Variants in GRM7 observed in about 807,000 individuals in gnomAD.
The protein encoded by GRM7 is metabotropic glutamate receptor 7.
In GRM7, 35 loss-of-function variants were observed where a neutral mutation model predicts 84.5. That is an observed-to-expected ratio of 0.41 (90% CI 0.32 to 0.55). The LOEUF is 0.55. Among genes scored for constraint, GRM7 ranks in the 20% least tolerant of loss-of-function variants. GRM7 has a pLI of 0.19. For missense variants in GRM7, 1,003 were observed against 1,194.6 expected (o/e 0.84, Z 2.36); for synonymous variants, 487 against 455.1 (o/e 1.07, Z -0.89).
At chr3:7,011,028 G>A (rs1695351292) in intron 1 of GRM7, among the ~76,000 whole-genome samples, 1 of 152,160 alleles carries the variant, frequency 6.6e-6, no homozygotes, top group Admixed American at 6.6e-5. Flanking sequence ...CAAGACACTA[G>A]AGTCAGAATA....
chr3:7,507,112 G>C (rs865915720), intron 7 of GRM7, among the ~76,000 whole-genome samples: 4 of 152,154 alleles, frequency 2.6e-5, no homozygotes, highest in Non-Finnish European at 5.9e-5. Flanking sequence ...TTGGATAAAT[G>C]CTTTTCAGAT....
chr3:7,043,112 A>G (rs1448250296), intron 1 of GRM7, among the ~76,000 whole-genome samples: 1 of 152,134 alleles, frequency 6.6e-6, no homozygotes, highest in African/African-American at 2.4e-5. Context: ...GCTAACGGGA[A>G]CTAGTTCCAG....
chr3:7,264,219 C>A (rs1698549215), intron 2 of GRM7, among the ~76,000 whole-genome samples: 1 of 152,132 alleles, frequency 6.6e-6, no homozygotes, highest in Non-Finnish European at 1.5e-5. Context: ...GCAAGACCGC[C>A]CTGCAGAATT....
intron 4 of GRM7, among the ~76,000 whole-genome samples, chr3:7,361,651 G>C (rs1453894454): frequency 1.3e-5 from 2 of 152,042 alleles, no homozygotes; most frequent in African/African-American, 4.8e-5. Flanking sequence ...GGATTCTTTG[G>C]TTGAAAGCAA....
chr3:7,083,019 G>T (rs1438571018), intron 1 of GRM7, among the ~76,000 whole-genome samples: 2 of 152,168 alleles, frequency 1.3e-5, no homozygotes, highest in Non-Finnish European at 1.5e-5. Context: ...GACAACAAAC[G>T]ATTTAGAATA....
intron 7 of GRM7, among the ~76,000 whole-genome samples, chr3:7,536,388 G>A (rs1048907441): frequency 1.3e-5 from 2 of 152,124 alleles, no homozygotes; most frequent in Non-Finnish European, 2.9e-5. Flanking sequence ...AAAAACTGGG[G>A]TATTTAATCC....
intron 7 of GRM7, among the ~76,000 whole-genome samples, chr3:7,543,792 AGG>A (rs1271258277): frequency 6.6e-6 from 1 of 152,232 alleles, no homozygotes; most frequent in Admixed American, 6.5e-5. Flanking sequence ...GCTTGCCTCA[AGG>A]GACAGAAAAC....
chr3:7,271,562 T>TAAAAAA (rs71063298), intron 2 of GRM7, among the ~76,000 whole-genome samples: 19 of 88,804 alleles, frequency 2.1e-4, no homozygotes, highest in African/African-American at 5.3e-4. Flanking sequence ...CCGCCTCAAA[T>TAAAAAA]AAAAAAAAAA....
At chr3:7,162,119 G>A (rs1024436797) in intron 2 of GRM7, among the ~76,000 whole-genome samples, 3 of 152,182 alleles carry the variant, frequency 2.0e-5, no homozygotes, top group Admixed American at 1.3e-4. Context: ...TTTTAGACTT[G>A]TGAGGCTTGA....
At chr3:7,088,777 A>G (rs1698555428) in intron 1 of GRM7, among the ~76,000 whole-genome samples, 1 of 149,782 alleles carries the variant, frequency 6.7e-6, no homozygotes, top group Non-Finnish European at 1.5e-5. Flanking sequence ...TCTTGACCCA[A>G]AGATTTAAGG....
At position 7,276,249 on chromosome 3, in the gene GRM7, G is replaced by GTGTATATA. The variant is rs1336783487; in HGVS notation, c.737-22434_737-22433insGTATATAT. On this transcript the variant is annotated intron_variant, in intron 2 of 9. Transcript: ENST00000357716. The stretch of plus-strand genomic sequence containing the variant: ...TGTGTGTGTGTGTGTGTGTGTGTGT[G>GTGTATATA]TATATATAATTGTCCTCTCAATGTA... Among the ~76,000 whole-genome samples the GTGTATATA allele has an allele frequency of 7.0e-5, 10 of 143,654 alleles. No individual in the cohort carries two copies. The South Asian group carries it at 2.0e-3, about 29-fold the overall frequency. The allele number at this position is 143,654 out of a possible 152,430, so 94.2% of individuals were successfully genotyped here.
Position 6,943,269 on chromosome 3 carries a change from G to A in GRM7, c.519+81362G>A, listed in dbSNP as rs184904480. Among the ~76,000 whole-genome samples, 1,020 of 151,550 alleles carry A rather than the reference G, an allele frequency of 6.7e-3. 4 individuals carry two copies. Among genetic ancestry groups the A allele is most frequent in the Non-Finnish European group, 0.012 (779 of 67,718 alleles). On this transcript the variant is annotated intron_variant, in intron 1 of 9. Coordinates refer to ENST00000357716, the MANE Select transcript of GRM7 (RefSeq NM_000844.4). ...ATGGACCATAAAAGAAAAAATTTTT[G>A]TGTGTTGTCTAACAAATCTTTGCCC...
chr3:7,502,217 T>G (rs940217402), intron 7 of GRM7, among the ~76,000 whole-genome samples: 3 of 151,926 alleles, frequency 2.0e-5, no homozygotes, highest in African/African-American at 7.3e-5. Flanking sequence ...CAATAAACAG[T>G]CAATAAGTCA....
At chr3:7,206,582 A>G (rs933176834) in intron 2 of GRM7, among the ~76,000 whole-genome samples, 5 of 152,170 alleles carry the variant, frequency 3.3e-5, no homozygotes, top group African/African-American at 1.2e-4. Context: ...CAATGGCTAC[A>G]TTGTATCATC....
chr3:7,393,053 T>C (rs1405696373), intron 4 of GRM7, among the ~76,000 whole-genome samples: 1 of 152,056 alleles, frequency 6.6e-6, no homozygotes, highest in South Asian at 2.1e-4. Context: ...AGGCTACCAC[T>C]CAGGCAAGTA....
intron 1 of GRM7, among the ~76,000 whole-genome samples, chr3:6,972,126 G>T (rs1372868216): frequency 2.0e-5 from 3 of 152,118 alleles, no homozygotes; most frequent in African/African-American, 7.2e-5. Context: ...GTAAAAAGGG[G>T]ATTTGTAGTG....
chr3:7,335,487 A>C (rs1387144861), intron 4 of GRM7, among the ~76,000 whole-genome samples: 1 of 152,066 alleles, frequency 6.6e-6, no homozygotes, highest in African/African-American at 2.4e-5. Flanking sequence ...ATTTAAGCTC[A>C]TACCTCAAGG....
intron 2 of GRM7, among the ~76,000 whole-genome samples, chr3:7,240,097 C>T (rs1183205998): frequency 7.8e-6 from 1 of 128,084 alleles, no homozygotes; most frequent in Non-Finnish European, 1.6e-5. Context: ...GTAAGGAGTA[C>T]CAGTAATCTT....
intron 5 of GRM7, among the ~76,000 whole-genome samples, chr3:7,446,676 T>C (rs1697528274): frequency 6.6e-6 from 1 of 152,176 alleles, no homozygotes; most frequent in Non-Finnish European, 1.5e-5. Flanking sequence ...GCCAGGCTGG[T>C]CTTGAACTCC....
Sources: gnomAD v4.1 joint callset for allele counts (sites outside exome capture counted in the v4.1 genomes callset) on GRCh38, gnomAD v4.1.1 for gene constraint, MANE v1.5 for transcripts, NCBI Gene and HGNC (gene_info 2026-07-23, HGNC 2026-07-21) for gene names.